Variants in EIF2B3 observed in about 807,000 individuals in gnomAD.
The protein encoded by EIF2B3 is translation initiation factor eIF2B subunit gamma.
A neutral mutation model predicts 54.1 loss-of-function variants in EIF2B3; 20 were observed. The ratio of observed to expected loss-of-function variants is 0.37; its 90% CI spans 0.26 to 0.54. The LOEUF (loss-of-function observed/expected upper bound fraction) is 0.54, where lower values mean the gene tolerates loss of function less well. EIF2B3 is among the 20% of genes least tolerant of loss of function. The pLI is 0.86. For synonymous variants in EIF2B3, 153 were observed against 188.1 expected (o/e 0.81, Z 1.52); for missense variants, 448 against 547.8 (o/e 0.82, Z 1.82).
intron 1 of EIF2B3, among the ~76,000 whole-genome samples, chr1:44,982,540 C>T (rs1278978096): frequency 6.6e-6 from 1 of 151,996 alleles, no homozygotes; most frequent in African/African-American, 2.4e-5. Flanking sequence ...TCAGGTGATC[C>T]ACCGGAGTCG....
At chr1:44,970,055 AAGTG>A (rs1644384854) in intron 3 of EIF2B3, 1 of 152,200 alleles carries the variant, frequency 6.6e-6, no homozygotes, top group Non-Finnish European at 1.5e-5. Flanking sequence ...CTGAAATAAA[AAGTG>A]AGAACCAGTA....
chr1:44,978,786 G>T (rs1303161366), intron 2 of EIF2B3, among the ~76,000 whole-genome samples: 1 of 151,396 alleles, frequency 6.6e-6, no homozygotes, highest in South Asian at 2.1e-4. Flanking sequence ...ACAGGCATGT[G>T]CCACCATGCT....
intron 8 of EIF2B3, 49 bp downstream of exon 8, chr1:44,879,769 G>T: frequency 6.3e-7 from 1 of 1,590,052 alleles, no homozygotes; most frequent in Non-Finnish European, 8.6e-7. Flanking sequence ...AAGTGGCTCA[G>T]TCTGTTTCTA....
chr1:44,877,201 A>AAAAAT (rs1655201088), intron 8 of EIF2B3, among the ~76,000 whole-genome samples: 4 of 144,276 alleles, frequency 2.8e-5, no homozygotes, highest in East Asian at 2.0e-4. Flanking sequence ...ATAAAAAAAA[A>AAAAAT]AAAAAAAAAA....
chr1:44,958,886 T>G (rs1644255558), intron 3 of EIF2B3: 2 of 836,418 alleles, frequency 2.4e-6, no homozygotes, highest in Admixed American at 1.8e-5. Context: ...AAGAACACAA[T>G]TTCATCAAGG....
At position 44,949,508 on chromosome 1, in the gene EIF2B3, T is replaced by C. The variant is rs1644138358; in HGVS notation, c.295-7843A>G. Among the ~76,000 whole-genome samples, 2 of 152,206 alleles carry C rather than the reference T, an allele frequency of 1.3e-5. 1 individual carries two copies. The highest frequency in any genetic ancestry group is 4.1e-4 in the South Asian group (2 of 4,832). Reference sequence around the variant, plus strand: ...TCTCCTTCTCTTTGTTTAATTTGACTCAAATATTAAAACATCTGATTTTAA... The same window carrying C: ...TCTCCTTCTCTTTGTTTAATTTGACCCAAATATTAAAACATCTGATTTTAA... On this transcript the variant is annotated intron_variant, in intron 3 of 11. Transcript: ENST00000360403.
chr1:44,955,159 T>TA (rs1423445790), intron 3 of EIF2B3, among the ~76,000 whole-genome samples: 7 of 152,072 alleles, frequency 4.6e-5, no homozygotes, highest in Admixed American at 4.6e-4. Context: ...ATGGTACTGG[T>TA]ACCAAAACAG....
chr1:44,965,754 C>G (rs896909837), intron 3 of EIF2B3, among the ~76,000 whole-genome samples: 1 of 150,776 alleles, frequency 6.6e-6, no homozygotes, highest in Non-Finnish European at 1.5e-5. Flanking sequence ...ATCTTCGTGC[C>G]TCGGCCTCCT....
chr1:44,964,483 A>T (rs1644316511), intron 3 of EIF2B3, among the ~76,000 whole-genome samples: 1 of 152,258 alleles, frequency 6.6e-6, no homozygotes, highest in Admixed American at 6.5e-5. Flanking sequence ...TCAACTGAAA[A>T]TAACTTGCAT....
At chr1:44,950,667 T>C (rs907037023) in intron 3 of EIF2B3, among the ~76,000 whole-genome samples, 4 of 152,128 alleles carry the variant, frequency 2.6e-5, no homozygotes, top group African/African-American at 7.2e-5. Flanking sequence ...ACATATAACT[T>C]CAATAAGTAT....
chr1:44,900,759 G>A (rs919724707), intron 5 of EIF2B3, among the ~76,000 whole-genome samples: 1 of 152,044 alleles, frequency 6.6e-6, no homozygotes, highest in Non-Finnish European at 1.5e-5. Context: ...AAAAACTGCA[G>A]CCATTCTAAT....
At chr1:44,857,045 C>T (rs1200648842) in intron 11 of EIF2B3, among the ~76,000 whole-genome samples, 2 of 152,038 alleles carry the variant, frequency 1.3e-5, no homozygotes, top group African/African-American at 2.4e-5. Context: ...TTCAGCCTCC[C>T]AAAGTGTTGG....
At position 44,874,618 on chromosome 1, in the gene EIF2B3, A is replaced by G. The variant is rs766484877; in HGVS notation, c.1202+60T>C. On this transcript the variant is annotated intron_variant, in intron 10 of 11. Transcript: ENST00000360403. ...TTTAGGTTAAAATTAACCTTCCTTC[A>G]GAATTTTGAAGGCATTTTTCCATTA... 1.9e-6 allele frequency: 3 copies of G among 1,585,424 alleles called. No individual in the cohort carries two copies. In the South Asian group the frequency reaches 3.4e-5, roughly 18 times the overall value.
At chr1:44,851,079 T>C (rs1654253229) in intron 11 of EIF2B3, 76 bp from the exon 12 acceptor site, 12 of 1,472,678 alleles carry the variant, frequency 8.1e-6, no homozygotes, top group African/African-American at 2.8e-5. Flanking sequence ...CTTTTTTTTT[T>C]TGGAGACCGA....
At chr1:44,945,044 A>G (rs989304363) in intron 3 of EIF2B3, among the ~76,000 whole-genome samples, 1 of 152,150 alleles carries the variant, frequency 6.6e-6, no homozygotes, top group Non-Finnish European at 1.5e-5. Context: ...AGACTCAACC[A>G]TCAGAATGCC....
intron 3 of EIF2B3, among the ~76,000 whole-genome samples, chr1:44,953,463 A>G (rs977393102): frequency 2.1e-4 from 32 of 152,190 alleles, no homozygotes; most frequent in Non-Finnish European, 4.1e-4. Flanking sequence ...ACTGAACCTA[A>G]CTTGCCAATT....
chr1:44,867,067 G>A (rs1293551618), intron 10 of EIF2B3, among the ~76,000 whole-genome samples: 1 of 152,184 alleles, frequency 6.6e-6, no homozygotes, highest in Non-Finnish European at 1.5e-5. Context: ...GGGTAATGAT[G>A]AGAAGTAGTA....
At chr1:44,880,148 T>C in intron 7 of EIF2B3, 140 bp from the exon 8 acceptor site, 1 of 876,616 alleles carries the variant, frequency 1.1e-6, no homozygotes, top group Non-Finnish European at 1.8e-6. Flanking sequence ...ACTCCCAGAC[T>C]CAAGGGATCC....
At chr1:44,890,289 G>C (rs1655751593) in intron 6 of EIF2B3, among the ~76,000 whole-genome samples, 2 of 152,132 alleles carry the variant, frequency 1.3e-5, no homozygotes, top group Non-Finnish European at 2.9e-5. Flanking sequence ...TCTACCGTGA[G>C]GCCAGTAATC....
Sources: allele counts gnomAD v4.1 joint callset (sites outside exome capture counted in the v4.1 genomes callset), GRCh38; gene constraint gnomAD v4.1.1; transcripts MANE v1.5; gene names NCBI Gene and HGNC (gene_info 2026-07-23, HGNC 2026-07-21).